Variants in DMD observed in about 807,000 individuals in gnomAD.
The protein encoded by DMD is mutant dystrophin.
A neutral mutation model predicts 330.1 loss-of-function variants in DMD; 63 were observed. The ratio of observed to expected loss-of-function variants is 0.19; its 90% CI spans 0.16 to 0.24. DMD has a LOEUF of 0.24. Among genes scored for constraint, DMD ranks in the 10% least tolerant of loss-of-function variants. The probability of loss-of-function intolerance (pLI) is 1.00; values close to 1 mark genes in which losing one functional copy is unlikely to be tolerated. For synonymous variants in DMD, 1,223 were observed against 959.8 expected (o/e 1.27, Z -5.07); for missense variants, 3,344 against 2,684.1 (o/e 1.25, Z -5.43).
intron 50 of DMD, among the ~76,000 whole-genome samples, chrX:31,790,090 C>A (rs1241114499): frequency 8.9e-6 from 1 of 111,855 alleles, no homozygotes; most frequent in Non-Finnish European, 1.9e-5. Context: ...ATAACTATTT[C>A]TACTTAAAAA....
chrX:32,534,001 T>C lies in DMD; in HGVS notation c.2168+11158A>G, dbSNP rs17318147. 2.6e-3 allele frequency among the ~76,000 whole-genome samples: 292 copies of C among 112,082 alleles called. 3 individuals carry two copies. The East Asian group carries it at 0.05, about 19-fold the overall frequency. ...GCCCCACTGCCAGCATCATGACCTG[T>C]TTCAATCCATCTACTGTGTTAGTAA... On this transcript the variant is annotated intron_variant, in intron 17 of 78. Transcript: ENST00000357033.
At chrX:32,937,739 C>T (rs931354719) in intron 2 of DMD, among the ~76,000 whole-genome samples, 3 of 109,242 alleles carry the variant, frequency 2.7e-5, no homozygotes, top group African/African-American at 6.7e-5. Context: ...TACAGACACA[C>T]GTTACACAAC....
chrX:31,648,680 A>T (rs190026150), intron 54 of DMD, among the ~76,000 whole-genome samples: 35 of 103,086 alleles, frequency 3.4e-4, no homozygotes, highest in African/African-American at 1.2e-3. Flanking sequence ...TATTGATCAC[A>T]ACCTAGAACT....
intron 1 of DMD, among the ~76,000 whole-genome samples, chrX:33,263,873 T>C (rs1239185695): frequency 9.0e-6 from 1 of 111,217 alleles, no homozygotes; most frequent in Non-Finnish European, 1.9e-5. Context: ...AAAGTACTTA[T>C]ATTTTAAAAT....
intron 55 of DMD, among the ~76,000 whole-genome samples, chrX:31,585,306 A>G (rs1369111833): frequency 1.0e-5 from 1 of 95,708 alleles, no homozygotes; most frequent in Non-Finnish European, 2.1e-5. Flanking sequence ...CCTAGGCAAC[A>G]GAGTGAGACC....
chrX:33,177,945 G>A (rs1226641226), intron 1 of DMD, among the ~76,000 whole-genome samples: 3 of 112,093 alleles, frequency 2.7e-5, no homozygotes, highest in Admixed American at 9.5e-5. Flanking sequence ...AATACGAACA[G>A]ATGTATTGAT....
intron 43 of DMD, among the ~76,000 whole-genome samples, chrX:32,229,649 C>CATATATATATATATAT (rs550544963): frequency 1.6e-5 from 1 of 61,207 alleles, no homozygotes; most frequent in African/African-American, 6.2e-5. Context: ...ACATATTTTA[C>CATATATATATATATAT]ATATATATAT....
At chrX:32,407,183 C>T (rs1283369692) in intron 30 of DMD, among the ~76,000 whole-genome samples, 2 of 111,233 alleles carry the variant, frequency 1.8e-5, no homozygotes. Context: ...TCAGAGTGAA[C>T]AGGCAACCTA....
intron 67 of DMD, among the ~76,000 whole-genome samples, chrX:31,202,505 CTTA>C (rs1282844517): frequency 9.7e-6 from 1 of 103,247 alleles, no homozygotes; most frequent in East Asian, 3.2e-4. Context: ...CATAAATGAA[CTTA>C]TTATGTGTGC....
chrX:32,954,565 G>A (rs1160744344), intron 2 of DMD, among the ~76,000 whole-genome samples: 1 of 111,904 alleles, frequency 8.9e-6, no homozygotes, highest in Non-Finnish European at 1.9e-5. Context: ...TTAAGTTCAG[G>A]GGTACATGTG....
At chrX:32,608,530 A>C (rs1473614068) in intron 12 of DMD, among the ~76,000 whole-genome samples, 1 of 110,661 alleles carries the variant, frequency 9.0e-6, no homozygotes, top group East Asian at 2.8e-4. Context: ...CAGAGATAAC[A>C]TCACCAGGTA....
chrX:33,200,833 A>C lies in DMD; in HGVS notation c.31+10449T>G, dbSNP rs189441561. Among the ~76,000 whole-genome samples the C allele has an allele frequency of 3.7e-3, 404 of 108,986 alleles. 3 individuals carry two copies. Among genetic ancestry groups the C allele is most frequent in the African/African-American group, 0.012 (367 of 30,103 alleles). 94.6% of individuals were successfully genotyped at this position (108,986 alleles called of 115,157 possible). ...AGATGCATTTTAAATAAATGTTAAAATTTATATTATCCTGATAGTTTTATA... is the reference window on the plus strand; with the variant it reads ...AGATGCATTTTAAATAAATGTTAAACTTTATATTATCCTGATAGTTTTATA... On this transcript the variant is annotated intron_variant, in intron 1 of 78. Coordinates refer to ENST00000357033, the MANE Select transcript of DMD (RefSeq NM_004006.3).
intron 7 of DMD, among the ~76,000 whole-genome samples, chrX:32,700,737 C>G (rs182418507): frequency 3.7e-4 from 41 of 111,055 alleles, no homozygotes; most frequent in African/African-American, 1.3e-3. Flanking sequence ...TAAATCCTGG[C>G]AGGAGGTCAA....
chrX:32,139,244 G>A (rs867960803), intron 44 of DMD, among the ~76,000 whole-genome samples: 5 of 111,666 alleles, frequency 4.5e-5, no homozygotes, highest in South Asian at 3.7e-4. Flanking sequence ...TAAAACAAGC[G>A]CCCCTTAAGA....
chrX:32,229,768 T>A (rs1256010149), intron 43 of DMD, among the ~76,000 whole-genome samples: 1 of 89,440 alleles, frequency 1.1e-5, no homozygotes, highest in African/African-American at 4.1e-5. Flanking sequence ...CACAAAACCA[T>A]CGCCACCATG....
chrX:31,551,976 C>T (rs1416238804), intron 55 of DMD, among the ~76,000 whole-genome samples: 3 of 112,155 alleles, frequency 2.7e-5, no homozygotes, highest in Admixed American at 9.4e-5. Context: ...GCCTAACTTT[C>T]GACACATAAT....
intron 55 of DMD, among the ~76,000 whole-genome samples, chrX:31,594,627 C>T (rs1233357928): frequency 9.0e-6 from 1 of 111,274 alleles, no homozygotes; most frequent in Non-Finnish European, 1.9e-5. Context: ...AATAGATTTC[C>T]AAACTCAGAA....
intron 5 of DMD, among the ~76,000 whole-genome samples, chrX:32,819,505 G>A (rs560459564): frequency 7.2e-5 from 8 of 111,642 alleles, no homozygotes; most frequent in African/African-American, 2.3e-4. Context: ...CCAAACACAT[G>A]TTATATGCTT....
At chrX:32,140,354 A>T (rs1294979753) in intron 44 of DMD, among the ~76,000 whole-genome samples, 1 of 112,188 alleles carries the variant, frequency 8.9e-6, no homozygotes, top group East Asian at 2.8e-4. Context: ...ACAAGATTGC[A>T]CCATAGATAT....
Sources: gnomAD v4.1 joint callset for allele counts (sites outside exome capture counted in the v4.1 genomes callset) on GRCh38, gnomAD v4.1.1 for gene constraint, MANE v1.5 for transcripts, NCBI Gene and HGNC (gene_info 2026-07-23, HGNC 2026-07-21) for gene names.